The following ADAMTSL4 variants were observed in gnomAD, a reference collection of about 807,000 sequenced individuals.
The protein encoded by ADAMTSL4 is ADAMTS-like protein 4.
A neutral mutation model predicts 122.8 loss-of-function variants in ADAMTSL4; 97 were observed. The ratio of observed to expected loss-of-function variants is 0.79; its 90% CI spans 0.67 to 0.93. The LOEUF (loss-of-function observed/expected upper bound fraction) is 0.93, where lower values mean the gene tolerates loss of function less well. Among genes scored for constraint, ADAMTSL4 ranks in the 40% least tolerant of loss-of-function variants. The probability of loss-of-function intolerance (pLI) is 0.00; values close to 1 mark genes in which losing one functional copy is unlikely to be tolerated. For synonymous variants in ADAMTSL4, 592 were observed against 568.0 expected (o/e 1.04, Z -0.60); for missense variants, 1,408 against 1,453.5 (o/e 0.97, Z 0.51).
Position 150,559,139 on chromosome 1 carries a change from C to T in ADAMTSL4, c.2737C>T (p.Arg913Cys), listed in dbSNP as rs587652739. 2.6e-5 allele frequency: 42 copies of T among 1,612,712 alleles called. No homozygotes were observed. Among genetic ancestry groups the T allele is most frequent in the African/African-American group, 4.0e-5 (3 of 74,994 alleles). Residue 913 changes from arginine to cysteine, a missense_variant, in exon 16 of 19, where the codon CGC becomes TGC. Transcript: ENST00000271643. This position sits in a 1 kb window ranked among gnomAD's most constrained non-coding sequence, Gnocchi z 4.1. Reference sequence around the variant, plus strand: ...CCTGGGGCCCTGTGAGAGAACTTGGCGCTGGTACACAGGGCCCTGGGGTGA... The same window carrying T: ...CCTGGGGCCCTGTGAGAGAACTTGGTGCTGGTACACAGGGCCCTGGGGTGA... ...CSLGPCERTW[R>C]WYTGPWGECS... is the part of the protein sequence containing the mutation.
chr1:150,553,572 T>C lies in ADAMTSL4; in HGVS notation c.581T>C (p.Ile194Thr), dbSNP rs1201800366. 4 of 1,613,670 alleles carry C rather than the reference T, an allele frequency of 2.5e-6. No homozygotes were observed. The Admixed American group carries it at 6.7e-5, about 27-fold the overall frequency. Reference sequence around the variant, plus strand: ...ATCTCTTCTAGAGGGGAAGAGGCTATTCCGTCCCCTACTCCAAGAGCAGAG... The same window carrying C: ...ATCTCTTCTAGAGGGGAAGAGGCTACTCCGTCCCCTACTCCAAGAGCAGAG... ...SLISSRGEEA[I>T]PSPTPRAEPF... is the part of the protein sequence containing the mutation. Residue 194 changes from isoleucine to threonine, a missense_variant, in exon 6 of 19, where the codon ATT becomes ACT. Transcript: ENST00000271643.
In ADAMTSL4 at chr1:150,553,069, C is replaced by G; in HGVS notation, c.250C>G (p.Leu84Val). 6.2e-7 allele frequency: 1 copy of G among 1,613,508 alleles called. No homozygotes were observed. The highest frequency in any genetic ancestry group is 1.1e-5 in the South Asian group (1 of 91,074). The change falls in exon 5 of 19, where the codon CTC becomes GTC. Residue 84 changes from leucine (L) to valine (V), a missense_variant. Leu to Val is a conservative substitution (Grantham distance 32). Coordinates refer to ENST00000271643, the MANE Select transcript of ADAMTSL4 (RefSeq NM_019032.6). ...AGTGCAGCTCCACCCGAGTCTGCCCCTCCCTCCCCGGCCCCCAAGACATCC... is the reference window on the plus strand; with the variant it reads ...AGTGCAGCTCCACCCGAGTCTGCCCGTCCCTCCCCGGCCCCCAAGACATCC... ...PTVQLHPSLP[L>V]PPRPPRHPEA...
chr1:150,557,794 A>G lies in ADAMTSL4; in HGVS notation c.2178-151A>G, dbSNP rs113481106. ...GCAGCAAGAAAGCCATGGCAGGCTGAGCCCCCCAGGAACCCAGACTCCAAA... is the reference window on the plus strand; with the variant it reads ...GCAGCAAGAAAGCCATGGCAGGCTGGGCCCCCCAGGAACCCAGACTCCAAA... On this transcript the variant is annotated intron_variant, in intron 13 of 18. Coordinates refer to ENST00000271643, the MANE Select transcript of ADAMTSL4 (RefSeq NM_019032.6). The G allele has an allele frequency of 1.8e-5, 24 of 1,318,972 alleles. No homozygotes were observed. In the Admixed American group the frequency reaches 3.1e-4, roughly 17 times the overall value. 81.7% of individuals were successfully genotyped at this position (1,318,972 alleles called of 1,614,324 possible). A position where few individuals can be genotyped will look rare whatever the true frequency, so the allele number is the denominator to read the frequency against.
Position 150,560,314 on chromosome 1 carries a change from G to C in ADAMTSL4, c.*118G>C. The C allele has an allele frequency of 6.8e-7, 1 of 1,465,594 alleles. No individual in the cohort carries two copies. The highest frequency in any genetic ancestry group is 9.2e-7 in the Non-Finnish European group (1 of 1,088,634). The allele number at this position is 1,465,594 out of a possible 1,614,324, so 90.8% of individuals were successfully genotyped here. A position where few individuals can be genotyped will look rare whatever the true frequency, so the allele number is the denominator to read the frequency against. The stretch of plus-strand genomic sequence containing the variant: ...CAGTCTCAGCAGGGATGTCCTCCAG[G>C]TGACAGAGGGTGGCAAGGTGACTGA... On this transcript the variant is annotated 3_prime_UTR_variant, in exon 19 of 19. Transcript: ENST00000271643.
rs757357118 is a variant in ADAMTSL4, at chr1:150,555,541, C to T, written c.1347C>T (p.Asp449=). Residue 449 remains aspartate (D), a synonymous_variant, in exon 8 of 19, where the codon GAC becomes GAT. Transcript: ENST00000271643. ...DGTLCQPGAP[D]ICVAGRCLSP... Reference sequence around the variant, plus strand: ...CCCTGTGTCAGCCTGGAGCCCCTGACATCTGTGTGGCTGGACGCTGTCTGG... The same window carrying T: ...CCCTGTGTCAGCCTGGAGCCCCTGATATCTGTGTGGCTGGACGCTGTCTGG... The T allele has an allele frequency of 1.9e-6, 3 of 1,614,148 alleles. No homozygotes were observed. The highest frequency in any genetic ancestry group is 1.1e-5 in the South Asian group (1 of 91,088).
In ADAMTSL4 at chr1:150,552,822, A is replaced by G. The variant is rs1024865790; in HGVS notation, c.79-76A>G. The G allele has an allele frequency of 6.8e-6, 10 of 1,474,296 alleles. No individual in the cohort carries two copies. The African/African-American group carries it at 1.2e-4, about 18-fold the overall frequency. 91.3% of individuals were successfully genotyped at this position (1,474,296 alleles called of 1,614,324 possible). A position where few individuals can be genotyped will look rare whatever the true frequency, so the allele number is the denominator to read the frequency against. Reference sequence around the variant, plus strand: ...GACTGGTAGCGACTCCGTGAGCCTCAGTGTTGGTCTACATGGACACTCTGG... The same window carrying G: ...GACTGGTAGCGACTCCGTGAGCCTCGGTGTTGGTCTACATGGACACTCTGG... On this transcript the variant is annotated intron_variant, in intron 4 of 18. Transcript: ENST00000271643. This position sits in a 1 kb window ranked among gnomAD's most constrained non-coding sequence, Gnocchi z 4.0.
At position 150,553,222 on chromosome 1, in the gene ADAMTSL4, G is replaced by A. The variant is rs1263483529; in HGVS notation, c.403G>A (p.Glu135Lys). Residue 135 changes from glutamate (E) to lysine (K), a missense_variant, in exon 5 of 19, where the codon GAG becomes AAG. Coordinates refer to ENST00000271643, the MANE Select transcript of ADAMTSL4 (RefSeq NM_019032.6). ...LRGPASHLGR[E>K]ETQEIRAARR... is the part of the protein sequence containing the mutation. ...AGGTCCCGCTTCCCACCTAGGGAGA[G>A]AGGAGACCCAGGAGATTCGAGCGGC... 1.2e-5 allele frequency: 20 copies of A among 1,608,510 alleles called. No homozygotes were observed. The highest frequency in any genetic ancestry group is 1.4e-5 in the Non-Finnish European group (17 of 1,177,376).
Position 150,554,447 on chromosome 1 carries a change from A to G in ADAMTSL4, c.1214A>G (p.Gln405Arg), listed in dbSNP as rs1671797326. The G allele has an allele frequency of 1.2e-6, 2 of 1,614,104 alleles. No individual in the cohort carries two copies. The highest frequency in any genetic ancestry group is 1.1e-5 in the South Asian group (1 of 91,080). The part of the protein sequence containing the change: ...NSQEFMGQLY[Q>R]WEPFTEVQGS... The stretch of plus-strand genomic sequence containing the variant: ...CAGGAATTCATGGGCCAGCTGTATC[A>G]GTGGGAGCCCTTCACTGAAGGTGAG... Residue 405 changes from glutamine (Q) to arginine (R), a missense_variant, in exon 7 of 19, where the codon CAG (glutamine) becomes CGG (arginine). By Grantham distance (43) the Gln-to-Arg change is conservative. Coordinates refer to ENST00000271643, the MANE Select transcript of ADAMTSL4 (RefSeq NM_019032.6). The surrounding 1 kb of genome is among the most constrained non-coding windows in gnomAD (Gnocchi z 4.0).
chr1:150,555,705 ACACATGCACACACG>A, intron 8 of ADAMTSL4, 140 bp downstream of exon 8: 1 of 1,187,510 alleles, frequency 8.4e-7, no homozygotes, highest in Non-Finnish European at 1.2e-6. Context: ...ATGCGCACAG[ACACATGCACACACG>A]CACACACACA....
Position 150,559,821 on chromosome 1 carries a change from C to T in ADAMTSL4, c.3004C>T (p.Gln1002Ter). The T allele has an allele frequency of 6.2e-7, 1 of 1,613,898 alleles. No homozygotes were observed. Among genetic ancestry groups the T allele is most frequent in the East Asian group, 2.2e-5 (1 of 44,888 alleles). The change falls in exon 18 of 19, where the codon CAG becomes TAG. Residue 1002 changes from glutamine to a stop codon, truncating the protein, a stop_gained. Transcript: ENST00000271643. LOFTEE classifies it high-confidence loss of function. This position sits in a 1 kb window ranked among gnomAD's most constrained non-coding sequence, Gnocchi z 4.1. Reference sequence around the variant, plus strand: ...GGAGGTCCAGTGCCTGAGCACCAACCAGACCCTCAGCACCCGATGCCCTCC... The same window carrying T: ...GGAGGTCCAGTGCCTGAGCACCAACTAGACCCTCAGCACCCGATGCCCTCC... ...TREVQCLSTN[Q>*]TLSTRCPPQL...
Position 150,558,343 on chromosome 1 carries a change from C to T in ADAMTSL4, c.2383-130C>T. On this transcript the variant is annotated intron_variant, in intron 14 of 18. Coordinates refer to ENST00000271643, the MANE Select transcript of ADAMTSL4 (RefSeq NM_019032.6). ...CAGGGCCCTAGGGCTCAGCCTCCTCCTCAGCCCACGAAGCCATGTGACTGC... is the reference window on the plus strand; with the variant it reads ...CAGGGCCCTAGGGCTCAGCCTCCTCTTCAGCCCACGAAGCCATGTGACTGC... 4.6e-6 allele frequency: 7 copies of T among 1,537,064 alleles called. No homozygotes were observed. In the South Asian group the frequency reaches 7.2e-5, roughly 16 times the overall value.
At position 150,554,061 on chromosome 1, in the gene ADAMTSL4, C is replaced by T. The variant is rs761216030; in HGVS notation, c.1070C>T (p.Pro357Leu). 1.2e-6 allele frequency: 2 copies of T among 1,606,368 alleles called. No individual in the cohort carries two copies. Among genetic ancestry groups the T allele is most frequent in the Non-Finnish European group, 1.7e-6 (2 of 1,179,940 alleles). Residue 357 changes from proline to leucine, a missense_variant, in exon 6 of 19, where the codon CCC (proline) becomes CTC (leucine). Transcript: ENST00000271643. The surrounding 1 kb of genome is among the most constrained non-coding windows in gnomAD (Gnocchi z 4.0). Reference protein sequence around the residue: ...HASSLWSLFAPSSPIPRCSGE... With the variant: ...HASSLWSLFALSSPIPRCSGE... Reference sequence around the variant, plus strand: ...AGCTCCCTCTGGAGCCTCTTTGCTCCCAGTAGCCCTATTCCAAGATGTTCT... The same window carrying T: ...AGCTCCCTCTGGAGCCTCTTTGCTCTCAGTAGCCCTATTCCAAGATGTTCT...
At chr1:150,558,926 C>T in intron 15 of ADAMTSL4, 36 bp from the exon 16 acceptor site, 1 of 1,572,684 alleles carries the variant, frequency 6.4e-7, no homozygotes, top group Non-Finnish European at 8.6e-7. Flanking sequence ...CAGTCACCAG[C>T]AGGCCCCTCA....
chr1:150,555,390 C>G (rs1444251033), intron 7 of ADAMTSL4, 39 bp from the exon 8 acceptor site: 1 of 1,612,592 alleles, frequency 6.2e-7, no homozygotes, highest in Admixed American at 1.7e-5. Flanking sequence ...AACCTCCCAC[C>G]AGGGAGCCCA....
intron 2 of ADAMTSL4, chr1:150,551,928 C>T (rs1357034276): frequency 2.6e-5 from 8 of 308,712 alleles, no homozygotes; most frequent in East Asian, 2.2e-4. Flanking sequence ...GTGCCTGAGC[C>T]GGCTTAGAAA....
Position 150,557,611 on chromosome 1 carries a change from C to T in ADAMTSL4, c.2165C>T (p.Pro722Leu). Residue 722 changes from proline (P) to leucine (L), a missense_variant, in exon 13 of 19, where the codon CCA (proline) becomes CTA (leucine). Physicochemically the swap from Pro to Leu is moderately conservative, Grantham distance 98 (BLOSUM62 -3). Transcript: ENST00000271643. ...TCCCCTGAACCCTGCCACGGCACCC[C>T]ATGCCCCCCATAGTGAGTATGGGGG... ...PASPEPCHGT[P>L]CPPYWEAGEW... is the part of the protein sequence containing the mutation. 6.2e-7 allele frequency: 1 copy of T among 1,600,222 alleles called. No individual in the cohort carries two copies. Among genetic ancestry groups the T allele is most frequent in the Non-Finnish European group, 8.5e-7 (1 of 1,173,720 alleles).
Position 150,558,160 on chromosome 1 carries a change from C to T in ADAMTSL4, c.2382+11C>T, listed in dbSNP as rs1260384742. 1 of 1,613,262 alleles carries T rather than the reference C, an allele frequency of 6.2e-7. No homozygotes were observed. Among genetic ancestry groups the T allele is most frequent in the Admixed American group, 1.7e-5 (1 of 60,024 alleles). On this transcript the variant is annotated intron_variant, in intron 14 of 18. Coordinates refer to ENST00000271643, the MANE Select transcript of ADAMTSL4 (RefSeq NM_019032.6). ...TCTCCTTGGAGCCAGGTGAGTTTGC[C>T]CAGGCAAGGAGGTGCTGGGGAGGGG...
intron 13 of ADAMTSL4, 111 bp downstream of exon 13, chr1:150,557,734 GACA>G (rs1672325355): frequency 1.5e-5 from 21 of 1,382,646 alleles, no homozygotes; most frequent in Non-Finnish European, 2.0e-5. Context: ...GCTGCAGAGA[GACA>G]ACATTAGATT....
rs768395332 is a variant in ADAMTSL4 at position 150,559,836 on chromosome 1, C to T, written c.3019C>T (p.Arg1007Ter). 22 of 1,613,886 alleles carry T rather than the reference C, an allele frequency of 1.4e-5. No homozygotes were observed. Among genetic ancestry groups the T allele is most frequent in the East Asian group, 4.5e-5 (2 of 44,888 alleles). ...GAGCACCAACCAGACCCTCAGCACC[C>T]GATGCCCTCCTCAACTGCGGCCCTC... The part of the protein sequence containing the change: ...CLSTNQTLST[R>*]CPPQLRPSRK... The change falls in exon 18 of 19, where the codon CGA (arginine) becomes TGA (stop). Residue 1007 changes from arginine to a stop codon, truncating the protein, a stop_gained. Transcript: ENST00000271643. LOFTEE classifies it high-confidence loss of function. The surrounding 1 kb of genome is among the most constrained non-coding windows in gnomAD (Gnocchi z 4.1).
Sources: allele counts gnomAD v4.1 joint callset, GRCh38; gene constraint gnomAD v4.1.1; non-coding constraint Gnocchi (gnomAD v3.1); transcripts MANE v1.5; gene names NCBI Gene and HGNC (gene_info 2026-07-23, HGNC 2026-07-21).